The following CERS6 variants were observed in gnomAD, a reference collection of about 807,000 sequenced individuals.
CERS6 encodes the protein LAG1 homolog, ceramide synthase 6.
Under a neutral mutation model 56.8 loss-of-function variants are expected in CERS6, and 26 were observed. The ratio of observed to expected loss-of-function variants is 0.46; its 90% confidence interval spans 0.34 to 0.63. The LOEUF (loss-of-function observed/expected upper bound fraction) is 0.63. Among genes scored for constraint, CERS6 ranks in the 30% least tolerant of loss-of-function variants. The pLI, the probability that CERS6 is intolerant of heterozygous loss-of-function variation, is 0.01. For missense variants in CERS6, 415 were observed against 467.5 expected (o/e 0.89, Z 1.04); for synonymous variants, 164 against 173.3 (o/e 0.95, Z 0.42).
intron 5 of CERS6, 82 bp downstream of exon 5, chr2:168,691,166 A>C (rs1686492003): frequency 1.6e-6 from 2 of 1,287,560 alleles, no homozygotes; most frequent in Non-Finnish European, 2.3e-6. Context: ...GCAGGCCCCA[A>C]CAGGTTGGAC....
intron 3 of CERS6, among the ~76,000 whole-genome samples, chr2:168,580,400 A>G (rs1242571673): frequency 1.3e-5 from 2 of 152,136 alleles, no homozygotes; most frequent in Non-Finnish European, 2.9e-5. Context: ...TACAACGGGT[A>G]TACCTAAGTT....
At chr2:168,482,276 T>G (rs1694189679) in intron 1 of CERS6, among the ~76,000 whole-genome samples, 1 of 152,240 alleles carries the variant, frequency 6.6e-6, no homozygotes, top group Non-Finnish European at 1.5e-5. Context: ...CTAGCTGGAT[T>G]AAAATCAGTT....
rs58167284 is a variant in CERS6, at chr2:168,568,478, A to T, written c.407+7156A>T. Among the ~76,000 whole-genome samples the T allele has an allele frequency of 4.9e-3, 749 of 152,376 alleles. 11 individuals carry two copies. Among genetic ancestry groups the T allele is most frequent in the African/African-American group, 0.017 (701 of 41,588 alleles). On this transcript the variant is annotated intron_variant, in intron 3 of 9. Transcript: ENST00000305747. ...AATTGATTTTGATTGTAGAGGATTT[A>T]TAAAAGTCTACATAATGTTCATACA...
intron 1 of CERS6, among the ~76,000 whole-genome samples, chr2:168,521,153 G>A (rs1216251998): frequency 1.3e-5 from 2 of 152,100 alleles, no homozygotes; most frequent in Non-Finnish European, 2.9e-5. Context: ...GACTGACAAC[G>A]CCGTACAGTG....
intron 1 of CERS6, among the ~76,000 whole-genome samples, chr2:168,530,572 G>A (rs911674093): frequency 2.6e-5 from 4 of 152,154 alleles, no homozygotes; most frequent in Non-Finnish European, 4.4e-5. Flanking sequence ...CATTGTTTAA[G>A]ATGAAGACAT....
chr2:168,459,624 G>C (rs1399844294), intron 1 of CERS6, among the ~76,000 whole-genome samples: 1 of 149,372 alleles, frequency 6.7e-6, no homozygotes, highest in African/African-American at 2.4e-5. Flanking sequence ...ACAGAGTAAA[G>C]TATGTGGGTT....
chr2:168,641,831 G>A (rs1010299046), intron 4 of CERS6, among the ~76,000 whole-genome samples: 6 of 150,888 alleles, frequency 4.0e-5, no homozygotes, highest in Admixed American at 2.6e-4. Context: ...CTCATACCCC[G>A]CATGAATCTC....
At chr2:168,491,238 G>C (rs1331349316) in intron 1 of CERS6, among the ~76,000 whole-genome samples, 1 of 152,226 alleles carries the variant, frequency 6.6e-6, no homozygotes, top group Non-Finnish European at 1.5e-5. Flanking sequence ...AGGAAGGAAA[G>C]AGGATTAGGT....
At chr2:168,568,820 C>CA (rs1317106983) in intron 3 of CERS6, among the ~76,000 whole-genome samples, 1 of 152,188 alleles carries the variant, frequency 6.6e-6, no homozygotes, top group African/African-American at 2.4e-5. Context: ...CCACACCATG[C>CA]AAAATCGCAC....
At chr2:168,599,958 T>A (rs1033445337) in intron 3 of CERS6, among the ~76,000 whole-genome samples, 5 of 152,158 alleles carry the variant, frequency 3.3e-5, no homozygotes, top group Admixed American at 6.5e-5. Flanking sequence ...TGACTTCCCC[T>A]TAATAAACCT....
intron 1 of CERS6, among the ~76,000 whole-genome samples, chr2:168,496,271 C>A (rs923059727): frequency 6.6e-6 from 1 of 151,946 alleles, no homozygotes; most frequent in East Asian, 1.9e-4. Flanking sequence ...TCATTTGATA[C>A]CTGTACAATG....
rs4294968 is a variant in CERS6, at chr2:168,641,702, T to G, written c.465+10660T>G. 3.3e-5 allele frequency among the ~76,000 whole-genome samples: 5 copies of G among 152,148 alleles called. No individual in the cohort carries two copies. The East Asian group carries it at 9.7e-4, about 29-fold the overall frequency. On this transcript the variant is annotated intron_variant, in intron 4 of 9. Coordinates refer to ENST00000305747, the MANE Select transcript of CERS6 (RefSeq NM_203463.3). ...TGAGCCACGAGAGGTGTTCAATAAA[T>G]AGGAATTATCATTATTACCATACGG...
chr2:168,682,981 T>A (rs1469238014), intron 4 of CERS6, among the ~76,000 whole-genome samples: 2 of 152,232 alleles, frequency 1.3e-5, no homozygotes, highest in African/African-American at 4.8e-5. Context: ...AAAAGAATTA[T>A]AATGGATATC....
At chr2:168,654,047 TA>T (rs1412883014) in intron 4 of CERS6, among the ~76,000 whole-genome samples, 1 of 152,172 alleles carries the variant, frequency 6.6e-6, no homozygotes, top group Admixed American at 6.5e-5. Context: ...CTTAAACTGA[TA>T]AACTGAGATT....
At chr2:168,746,411 G>A (rs1574215169) in intron 8 of CERS6, among the ~76,000 whole-genome samples, 1 of 151,984 alleles carries the variant, frequency 6.6e-6, no homozygotes, top group African/African-American at 2.4e-5. Flanking sequence ...AAGAAGATGT[G>A]CAGTCTCCAC....
At chr2:168,505,714 G>A (rs1694665714) in intron 1 of CERS6, among the ~76,000 whole-genome samples, 1 of 152,146 alleles carries the variant, frequency 6.6e-6, no homozygotes, top group South Asian at 2.1e-4. Context: ...ATTTGTTAGA[G>A]GGAAAATTCC....
At chr2:168,568,534 C>A (rs1695923718) in intron 3 of CERS6, among the ~76,000 whole-genome samples, 1 of 152,094 alleles carries the variant, frequency 6.6e-6, no homozygotes, top group Non-Finnish European at 1.5e-5. Flanking sequence ...TCAAAGCATA[C>A]CATCCAGAAA....
intron 1 of CERS6, among the ~76,000 whole-genome samples, chr2:168,467,474 CAG>C (rs1693901198): frequency 6.6e-6 from 1 of 152,100 alleles, no homozygotes; most frequent in African/African-American, 2.4e-5. Context: ...GACTTGATAA[CAG>C]TATATTTAAA....
rs1040005373 is a variant in CERS6, at chr2:168,768,490, C to T, written c.1003-1020C>T. 3.3e-5 allele frequency among the ~76,000 whole-genome samples: 5 copies of T among 151,268 alleles called. 1 individual carries two copies. Among genetic ancestry groups the T allele is most frequent in the African/African-American group, 1.2e-4 (5 of 41,120 alleles). On this transcript the variant is annotated intron_variant, in intron 9 of 9. Transcript: ENST00000305747. ...TCAGGTGATCCACCCACCTCAGGCTCCCAAAGTGCTGGGATTATAGGCATG... is the reference window on the plus strand; with the variant it reads ...TCAGGTGATCCACCCACCTCAGGCTTCCAAAGTGCTGGGATTATAGGCATG...
Sources: allele counts gnomAD v4.1 joint callset (sites outside exome capture counted in the v4.1 genomes callset), GRCh38; gene constraint gnomAD v4.1.1; transcripts MANE v1.5; gene names NCBI Gene and HGNC (gene_info 2026-07-23, HGNC 2026-07-21).